Variants in NSMAF observed in about 807,000 individuals in gnomAD.
NSMAF encodes the protein protein FAN.
Under a neutral mutation model 134.9 loss-of-function variants are expected in NSMAF, and 90 were observed. That is an observed-to-expected ratio of 0.67 (90% confidence interval 0.56 to 0.79). The LOEUF is 0.79. Among genes scored for constraint, NSMAF ranks in the 30% least tolerant of loss-of-function variants. The pLI is 0.00. For synonymous variants in NSMAF, 358 were observed against 389.6 expected, an observed-to-expected ratio of 0.92 and a Z score of 0.96; for missense variants, 1,010 against 1,119.0, an observed-to-expected ratio of 0.90 and a Z score of 1.39.
Position 58,600,030 on chromosome 8 carries a change from G to GA in NSMAF, c.1281-10dup, listed in dbSNP as rs747179389. 3.1e-4 allele frequency: 499 copies of GA among 1,595,952 alleles called. No individual in the cohort carries two copies. The highest frequency in any genetic ancestry group is 3.7e-4 in the Non-Finnish European group (430 of 1,168,392). On this transcript the variant is annotated splice_polypyrimidine_tract_variant and intron_variant, in intron 16 of 30. Transcript: ENST00000038176. Reference sequence around the variant, plus strand: ...TCCAAGTTTCTGCAATACTACATATGAAAAAAAAATTCACCTATTTTCAGC... The same window carrying GA: ...TCCAAGTTTCTGCAATACTACATATGAAAAAAAAAATTCACCTATTTTCAGC...
chr8:58,633,562 A>C (rs1457170168), intron 5 of NSMAF, among the ~76,000 whole-genome samples: 2 of 152,190 alleles, frequency 1.3e-5, no homozygotes, highest in Admixed American at 6.5e-5. Flanking sequence ...TCCCCCACTG[A>C]AAAGTAAAGT....
rs545610614 is a variant in NSMAF, at chr8:58,634,954, C to T, written c.333+235G>A. ...ATTTCAAGCCTCGTAAATCATAAATCGTGAGAGCTCCAAGGACAAAACCGC... is the reference window on the plus strand; with the variant it reads ...ATTTCAAGCCTCGTAAATCATAAATTGTGAGAGCTCCAAGGACAAAACCGC... On this transcript the variant is annotated intron_variant, in intron 5 of 30. Coordinates refer to ENST00000038176, the MANE Select transcript of NSMAF (RefSeq NM_003580.4). Among the ~76,000 whole-genome samples, 5 of 152,264 alleles carry T rather than the reference C, an allele frequency of 3.3e-5. No homozygotes were observed. In the East Asian group the frequency reaches 9.7e-4, roughly 29 times the overall value.
At position 58,599,320 on chromosome 8, in the gene NSMAF, G is replaced by A; in HGVS notation, c.1497C>T (p.Ser499=). The part of the protein sequence containing the change: ...FLQKSKDALE[S]NYVSEHLHEW... ...CGTGAAGGTGTTCAGACACATAATTGCTTTCCAATGCATCTTTGCTCTTCT... is the reference window on the plus strand; with the variant it reads ...CGTGAAGGTGTTCAGACACATAATTACTTTCCAATGCATCTTTGCTCTTCT... Residue 499 remains serine, a synonymous_variant, in exon 19 of 31, where the codon AGC becomes AGT. Transcript: ENST00000038176. 1 of 1,613,974 alleles carries A rather than the reference G, an allele frequency of 6.2e-7. No homozygotes were observed. Among genetic ancestry groups the A allele is most frequent in the East Asian group, 2.2e-5 (1 of 44,868 alleles).
chr8:58,632,152 C>A (rs567140663), intron 5 of NSMAF, among the ~76,000 whole-genome samples: 2 of 152,266 alleles, frequency 1.3e-5, no homozygotes, highest in East Asian at 3.9e-4. Context: ...AATGTGAACA[C>A]CTCCCCAAAC....
At chr8:58,619,658 T>C (rs1806738086) in intron 9 of NSMAF, among the ~76,000 whole-genome samples, 1 of 151,794 alleles carries the variant, frequency 6.6e-6, no homozygotes. Context: ...AAACAGAAAA[T>C]AAAATTTTAA....
chr8:58,585,597 G>C (rs892465171), intron 30 of NSMAF, 55 bp downstream of exon 30: 3 of 1,284,016 alleles, frequency 2.3e-6, no homozygotes, highest in Non-Finnish European at 3.4e-6. Flanking sequence ...GAAAAGGCAG[G>C]CTTGAGTTCA....
intron 30 of NSMAF, among the ~76,000 whole-genome samples, chr8:58,584,545 G>A (rs1805842390): frequency 6.6e-6 from 1 of 152,160 alleles, no homozygotes; most frequent in South Asian, 2.1e-4. Context: ...GAAAAGGTGG[G>A]GTTATTGGTG....
intron 26 of NSMAF, chr8:58,588,457 G>C (rs781070394): frequency 3.9e-5 from 48 of 1,226,372 alleles, no homozygotes; most frequent in Non-Finnish European, 5.5e-5. Context: ...AGCACCCGCA[G>C]GTCTAAATTG....
At position 58,599,786 on chromosome 8, in the gene NSMAF, T is replaced by C; in HGVS notation, c.1417A>G (p.Met473Val). 1 of 1,614,090 alleles carries C rather than the reference T, an allele frequency of 6.2e-7. No homozygotes were observed. Among genetic ancestry groups the C allele is most frequent in the Non-Finnish European group, 8.5e-7 (1 of 1,179,944 alleles). The change falls in exon 18 of 31, where the codon ATG (methionine) becomes GTG (valine). Residue 473 changes from methionine (M) to valine (V), a missense_variant. Physicochemically the swap from Met to Val is conservative, Grantham distance 21. Coordinates refer to ENST00000038176, the MANE Select transcript of NSMAF (RefSeq NM_003580.4). ...LDLGKRQGGQ[M>V]VDDVELPPWA... is the part of the protein sequence containing the mutation. ...GGGGGAAGCTCCACGTCGTCAACCA[T>C]CTGTCCTCCTTGTCTCTTTCCCAAA...
chr8:58,584,219 G>C lies in NSMAF; in HGVS notation c.2660-19C>G, dbSNP rs752900057. Reference sequence around the variant, plus strand: ...ACAGCACCTGAGAGAAAGACATTTTGGTTAGTTAGGAAGTTGACCAGGAGG... The same window carrying C: ...ACAGCACCTGAGAGAAAGACATTTTCGTTAGTTAGGAAGTTGACCAGGAGG... On this transcript the variant is annotated intron_variant, in intron 30 of 30. Transcript: ENST00000038176. The C allele has an allele frequency of 1.3e-6, 2 of 1,597,772 alleles. No individual in the cohort carries two copies. Among genetic ancestry groups the C allele is most frequent in the Non-Finnish European group, 1.7e-6 (2 of 1,166,284 alleles).
intron 1 of NSMAF, among the ~76,000 whole-genome samples, chr8:58,656,291 G>C (rs535443552): frequency 6.6e-6 from 1 of 152,118 alleles, no homozygotes; most frequent in Non-Finnish European, 1.5e-5. Context: ...CGTGAGCCCT[G>C]TGTCTGGCCT....
At chr8:58,604,390 TA>T (rs558904249) in intron 12 of NSMAF, among the ~76,000 whole-genome samples, 5 of 151,368 alleles carry the variant, frequency 3.3e-5, no homozygotes, top group African/African-American at 4.8e-5. Context: ...TTGTTATAGT[TA>T]AAAAAAATAA....
chr8:58,658,189 G>A (rs1807765204), intron 1 of NSMAF, among the ~76,000 whole-genome samples: 1 of 152,106 alleles, frequency 6.6e-6, no homozygotes, highest in Non-Finnish European at 1.5e-5. Context: ...TCTTAATATT[G>A]TTGGTACTAA....
chr8:58,656,595 G>C (rs1807717077), intron 1 of NSMAF, among the ~76,000 whole-genome samples: 1 of 151,936 alleles, frequency 6.6e-6, no homozygotes, highest in Non-Finnish European at 1.5e-5. Context: ...GGGAGGCCAA[G>C]GCGGGTGGGT....
At chr8:58,623,688 T>G (rs746284873) in intron 7 of NSMAF, 21 bp downstream of exon 7, 13 of 1,604,610 alleles carry the variant, frequency 8.1e-6, no homozygotes, top group Admixed American at 1.7e-5. Context: ...GCTTTGAATT[T>G]TCTACCCAGC....
chr8:58,606,769 T>A (rs60534391), intron 11 of NSMAF, among the ~76,000 whole-genome samples: 18,749 of 152,182 alleles, frequency 0.12, 2,751 homozygotes, highest in African/African-American at 0.35. Context: ...TTTCACCATG[T>A]ACTAGCTGGG....
intron 6 of NSMAF, among the ~76,000 whole-genome samples, chr8:58,625,163 CTCTT>C (rs1190202749): frequency 2.0e-5 from 3 of 152,300 alleles, no homozygotes; most frequent in East Asian, 3.9e-4. Context: ...GGGAAAAACA[CTCTT>C]TCTTCCTGTC....
intron 19 of NSMAF, among the ~76,000 whole-genome samples, 189 bp downstream of exon 19, chr8:58,599,043 A>T (rs897964665): frequency 7.9e-5 from 12 of 152,162 alleles, no homozygotes; most frequent in African/African-American, 2.7e-4. Context: ...AACCAAAAAA[A>T]TATCTGATCC....
intron 5 of NSMAF, among the ~76,000 whole-genome samples, chr8:58,632,167 C>CA (rs1406416037): frequency 6.6e-6 from 1 of 152,130 alleles, no homozygotes; most frequent in Non-Finnish European, 1.5e-5. Context: ...CCAAACCTGT[C>CA]AGATATTCAA....
Sources: gnomAD v4.1 joint callset for allele counts (sites outside exome capture counted in the v4.1 genomes callset) on GRCh38, gnomAD v4.1.1 for gene constraint, MANE v1.5 for transcripts, NCBI Gene and HGNC (gene_info 2026-07-23, HGNC 2026-07-21) for gene names.